Variants in IFT122 observed in about 807,000 individuals in gnomAD.
The protein encoded by IFT122 is intraflagellar transport 122, also known as intraflagellar transport protein 122 homolog.
IFT122 carries 118 observed loss-of-function variants against 161.6 expected under a neutral mutation model. That is an observed-to-expected ratio of 0.73 (90% confidence interval 0.63 to 0.85). The LOEUF (loss-of-function observed/expected upper bound fraction) is 0.85, where lower values mean the gene tolerates loss of function less well. IFT122 is among the 40% of genes least tolerant of loss of function. IFT122 has a pLI of 0.00. For missense variants in IFT122, 1,381 were observed against 1,579.6 expected (o/e 0.87, Z 2.13); for synonymous variants, 550 against 602.4 (o/e 0.91, Z 1.27).
Position 129,440,380 on chromosome 3 carries a change from C to T in IFT122, c.41+9C>T. 7 of 1,549,822 alleles carry T rather than the reference C, an allele frequency of 4.5e-6. No individual in the cohort carries two copies. The highest frequency in any genetic ancestry group is 6.1e-6 in the Non-Finnish European group (7 of 1,146,768). ...GATAAAGCCGAGCACTGGTGAGGAG[C>T]GGGGCGGTTCGCGAAGAGCAGGAGG... On this transcript the variant is annotated intron_variant, in intron 1 of 29. Coordinates refer to ENST00000348417, the MANE Select transcript of IFT122 (RefSeq NM_052989.3).
chr3:129,473,685 T>TA (rs1454856739), intron 9 of IFT122, among the ~76,000 whole-genome samples: 1 of 152,240 alleles, frequency 6.6e-6, no homozygotes, highest in African/African-American at 2.4e-5. Flanking sequence ...TTTAAGCTCT[T>TA]ACTTTGCTTC....
rs1319283137 is a variant in IFT122 at position 129,508,208 on chromosome 3, A to AC, written c.2886+446_2886+447insC. On this transcript the variant is annotated intron_variant, in intron 23 of 29. Transcript: ENST00000348417. ...CCTCAGTTTCCTTCTCTGTGAAACTAGAGTGTTGGCTTGGTCTCCAGAAAC... is the reference window on the plus strand; with the variant it reads ...CCTCAGTTTCCTTCTCTGTGAAACTACGAGTGTTGGCTTGGTCTCCAGAAAC... 8.5e-5 allele frequency among the ~76,000 whole-genome samples: 13 copies of AC among 152,328 alleles called. 1 individual carries two copies. The South Asian group carries it at 2.7e-3, about 32-fold the overall frequency.
chr3:129,476,934 T>G, intron 11 of IFT122, 133 bp downstream of exon 11: 4 of 992,346 alleles, frequency 4.0e-6, no homozygotes, highest in Non-Finnish European at 5.9e-6. Context: ...ACTGGGTCTG[T>G]GTCTTGTTTT....
chr3:129,493,445 T>A (rs1487654169), intron 17 of IFT122, among the ~76,000 whole-genome samples: 1 of 152,220 alleles, frequency 6.6e-6, no homozygotes, highest in Non-Finnish European at 1.5e-5. Context: ...ATGTGAATGC[T>A]GTTCTAGATC....
chr3:129,449,985 T>A, intron 2 of IFT122, 48 bp downstream of exon 2: 7 of 1,138,048 alleles, frequency 6.2e-6, no homozygotes, highest in Non-Finnish European at 9.4e-6. Flanking sequence ...CTAACCTCCC[T>A]CTTGTGAGTA....
intron 1 of IFT122, among the ~76,000 whole-genome samples, chr3:129,442,390 T>C (rs892474881): frequency 1.3e-5 from 2 of 152,108 alleles, no homozygotes; most frequent in Admixed American, 6.6e-5. Flanking sequence ...TAAAACGAAA[T>C]ACTGTGGGTA....
Position 129,454,508 on chromosome 3 carries a change from CATATTT to C in IFT122, c.193+2511_193+2516del, listed in dbSNP as rs144656358. On this transcript the variant is annotated intron_variant, in intron 3 of 29. Transcript: ENST00000348417. ...GTCAGGTGTGCTGTACCATGGTAGT[CATATTT>C]GTGTGTGTGTGTGTGTGTGTGTGTG... Among the ~76,000 whole-genome samples the C allele has an allele frequency of 4.8e-3, 538 of 112,428 alleles. 13 individuals are homozygous for C. In the South Asian group the frequency reaches 0.098, roughly 21 times the overall value. The allele number at this position is 112,428 out of a possible 152,430, so 73.8% of individuals were successfully genotyped here. A position where few individuals can be genotyped will look rare whatever the true frequency, so the allele number is the denominator to read the frequency against.
In IFT122 at chr3:129,451,942, T is replaced by C. The variant is rs576805711; in HGVS notation, c.137T>C (p.Leu46Pro). The C allele has an allele frequency of 3.1e-6, 5 of 1,614,088 alleles. No individual in the cohort carries two copies. The South Asian group carries it at 5.5e-5, about 18-fold the overall frequency. ...LVYDTSDGTL[L>P]QPLKGHKDTV... is the part of the protein sequence containing the mutation. ...TATGACACCTCTGATGGCACCTTAC[T>C]TCAGCCCCTCAAGGGACACAAAGAC... The change falls in exon 3 of 30, where the codon CTT (leucine) becomes CCT (proline). Residue 46 changes from leucine to proline, a missense_variant. Physicochemically the swap from Leu to Pro is moderately conservative, Grantham distance 98. Transcript: ENST00000348417.
intron 1 of IFT122, among the ~76,000 whole-genome samples, chr3:129,442,226 T>C (rs1163798088): frequency 6.6e-6 from 1 of 151,080 alleles, no homozygotes; most frequent in Non-Finnish European, 1.5e-5. Flanking sequence ...CCAGAGTCTG[T>C]TGAGCATAAG....
chr3:129,515,365 T>A (rs1335807577), intron 25 of IFT122, 123 bp from the exon 26 acceptor site: 2 of 803,096 alleles, frequency 2.5e-6, no homozygotes, highest in Non-Finnish European at 4.3e-6. Context: ...GCCCCTTCCC[T>A]GCCTGCCCAC....
chr3:129,482,367 C>A (rs529576195), intron 14 of IFT122, among the ~76,000 whole-genome samples: 2 of 152,214 alleles, frequency 1.3e-5, no homozygotes, highest in Non-Finnish European at 2.9e-5. Context: ...TTCTTTCTCT[C>A]TTTAGGTCTT....
In IFT122 at chr3:129,519,038, G is replaced by T. The variant is rs891257821; in HGVS notation, c.3392-69G>T. The T allele has an allele frequency of 6.0e-6, 8 of 1,327,034 alleles. No homozygotes were observed. The African/African-American group carries it at 8.7e-5, about 14-fold the overall frequency. The allele number at this position is 1,327,034 out of a possible 1,614,324, so 82.2% of individuals were successfully genotyped here. A position where few individuals can be genotyped will look rare whatever the true frequency, so the allele number is the denominator to read the frequency against. ...GCTGCCCTTGAGTCTTCTCACAGGGGTGTAGGGTGGAGGCTAGGGTCTGTC... is the reference window on the plus strand; with the variant it reads ...GCTGCCCTTGAGTCTTCTCACAGGGTTGTAGGGTGGAGGCTAGGGTCTGTC... On this transcript the variant is annotated intron_variant, in intron 27 of 29. Coordinates refer to ENST00000348417, the MANE Select transcript of IFT122 (RefSeq NM_052989.3).
In IFT122 at chr3:129,520,421, A is replaced by G. The variant is rs2084610439; in HGVS notation, c.*156A>G. The G allele has an allele frequency of 2.9e-6, 2 of 691,444 alleles. No homozygotes were observed. Among genetic ancestry groups the G allele is most frequent in the Admixed American group, 4.0e-5 (2 of 49,554 alleles). The allele number at this position is 691,444 out of a possible 1,614,324, so 42.8% of individuals were successfully genotyped here. ...TTGTGTAACCACGGAATTCCTATTT[A>G]TGGCATTTCATGCCTTGTAAATAGC... On this transcript the variant is annotated 3_prime_UTR_variant, in exon 30 of 30. Transcript: ENST00000348417.
At chr3:129,477,897 A>G in intron 11 of IFT122, 119 bp from the exon 12 acceptor site, 1 of 815,946 alleles carries the variant, frequency 1.2e-6, no homozygotes, top group East Asian at 2.5e-5. Flanking sequence ...AAGATTTTTC[A>G]ATGAGAGTAT....
chr3:129,476,837 G>A (rs2078002960), intron 11 of IFT122, 36 bp downstream of exon 11: 2 of 1,610,912 alleles, frequency 1.2e-6, no homozygotes, highest in African/African-American at 1.4e-5. Context: ...AAGAGGGACA[G>A]GTGGAAGCAG....
chr3:129,490,888 C>T (rs902864354), intron 16 of IFT122, among the ~76,000 whole-genome samples: 1 of 152,212 alleles, frequency 6.6e-6, no homozygotes, highest in East Asian at 1.9e-4. Flanking sequence ...CACTTGTTTG[C>T]CAGGTTCTGA....
chr3:129,454,035 A>G (rs1441760376), intron 3 of IFT122, among the ~76,000 whole-genome samples: 2 of 152,186 alleles, frequency 1.3e-5, no homozygotes, highest in African/African-American at 2.4e-5. Flanking sequence ...TAATTCTTGA[A>G]TGAACCTTGG....
chr3:129,447,972 G>A (rs1281455813), intron 1 of IFT122, among the ~76,000 whole-genome samples: 2 of 152,072 alleles, frequency 1.3e-5, no homozygotes, highest in South Asian at 2.1e-4. Context: ...GGTTGGGGGG[G>A]CTTACAATTT....
intron 10 of IFT122, 46 bp downstream of exon 10, chr3:129,476,552 A>G: frequency 6.2e-7 from 1 of 1,613,536 alleles, no homozygotes. Flanking sequence ...TTGAAGAGGC[A>G]CTGAGCAGCC....
Sources: gnomAD v4.1 joint callset for allele counts (sites outside exome capture counted in the v4.1 genomes callset) on GRCh38, gnomAD v4.1.1 for gene constraint, MANE v1.5 for transcripts, NCBI Gene and HGNC (gene_info 2026-07-23, HGNC 2026-07-21) for gene names.